The following SHC4 variants were observed in gnomAD, a reference collection of about 807,000 sequenced individuals.
The protein encoded by SHC4 is SHC-transforming protein 4.
A neutral mutation model predicts 69.4 loss-of-function variants in SHC4; 41 were observed. That is an observed-to-expected ratio of 0.59 (90% CI 0.46 to 0.77). SHC4 has a LOEUF of 0.77. Ranked by LOEUF, SHC4 falls within the 30% of genes least tolerant of loss-of-function variation. SHC4 has a pLI of 0.00. For missense variants in SHC4, 777 were observed against 783.8 expected (o/e 0.99, Z 0.10); for synonymous variants, 318 against 299.3 (o/e 1.06, Z -0.64).
rs1319706616 is a variant in SHC4 at position 48,825,731 on chromosome 15, G to A, written c.*240C>T. The A allele has an allele frequency of 1.2e-5, 5 of 433,572 alleles. No homozygotes were observed. Among genetic ancestry groups the A allele is most frequent in the African/African-American group, 2.0e-5 (1 of 49,630 alleles). The allele number at this position is 433,572 out of a possible 1,614,324, so 26.9% of individuals were successfully genotyped here. A position where few individuals can be genotyped will look rare whatever the true frequency, so the allele number is the denominator to read the frequency against. On this transcript the variant is annotated 3_prime_UTR_variant, in exon 12 of 12. Transcript: ENST00000332408. ...AATATGGCCTTAAAAAGTGACATCCGTGCATACATATAATTTCTTTTAAAA... is the reference window on the plus strand; with the variant it reads ...AATATGGCCTTAAAAAGTGACATCCATGCATACATATAATTTCTTTTAAAA...
intron 2 of SHC4, among the ~76,000 whole-genome samples, chr15:48,923,530 G>A (rs1401529556): frequency 7.7e-5 from 9 of 117,624 alleles, no homozygotes; most frequent in East Asian, 2.6e-4. Flanking sequence ...GGGAGACAGA[G>A]TGAGACTCTG....
chr15:48,961,156 A>G (rs1160476422), intron 1 of SHC4, among the ~76,000 whole-genome samples: 2 of 152,056 alleles, frequency 1.3e-5, no homozygotes, highest in Admixed American at 6.6e-5. Flanking sequence ...TATCTTTCTT[A>G]CTGTCCTCCA....
intron 6 of SHC4, 31 bp from the exon 7 acceptor site, chr15:48,857,846 T>C (rs778427632): frequency 2.8e-6 from 4 of 1,453,964 alleles, no homozygotes; most frequent in Admixed American, 2.4e-5. Flanking sequence ...AATAATATTA[T>C]AATAAATTTT....
intron 5 of SHC4, among the ~76,000 whole-genome samples, chr15:48,870,341 C>G (rs2140992466): frequency 6.6e-6 from 1 of 152,268 alleles, no homozygotes; most frequent in East Asian, 1.9e-4. Flanking sequence ...ATAGCAGCTG[C>G]TAAGCACCAG....
chr15:48,963,170 C>G lies in SHC4; in HGVS notation c.-155G>C. The stretch of plus-strand genomic sequence containing the variant: ...CGAGCTCGCCCACCTCGGCTCCCGG[C>G]CCCTTAAGGGTGACAGCCCATGGGG... On this transcript the variant is annotated 5_prime_UTR_variant, in exon 1 of 12. Transcript: ENST00000332408. 1.3e-6 allele frequency: 1 copy of G among 749,836 alleles called. No homozygotes were observed. Among genetic ancestry groups the G allele is most frequent in the Non-Finnish European group, 2.1e-6 (1 of 474,284 alleles). 46.4% of individuals were successfully genotyped at this position (749,836 alleles called of 1,614,324 possible).
intron 5 of SHC4, among the ~76,000 whole-genome samples, chr15:48,869,849 C>T (rs1276508414): frequency 6.6e-6 from 1 of 152,200 alleles, no homozygotes; most frequent in African/African-American, 2.4e-5. Flanking sequence ...GGCTTTCTCA[C>T]CAGCTTTAGA....
intron 2 of SHC4, among the ~76,000 whole-genome samples, chr15:48,903,512 T>C (rs2141012729): frequency 6.6e-6 from 1 of 152,290 alleles, no homozygotes; most frequent in East Asian, 1.9e-4. Context: ...AATTAAAACT[T>C]GCAGATGCTT....
intron 11 of SHC4, among the ~76,000 whole-genome samples, chr15:48,830,744 T>A (rs1474325740): frequency 6.6e-6 from 1 of 152,244 alleles, no homozygotes; most frequent in East Asian, 1.9e-4. Context: ...AATGCTCATG[T>A]TGCATTATCT....
At chr15:48,941,358 G>A (rs987728865) in intron 1 of SHC4, among the ~76,000 whole-genome samples, 10 of 152,194 alleles carry the variant, frequency 6.6e-5, no homozygotes, top group East Asian at 1.9e-4. Flanking sequence ...AGTAGTCAAC[G>A]TAGAAGCCAG....
intron 7 of SHC4, among the ~76,000 whole-genome samples, chr15:48,856,961 C>T (rs1052902368): frequency 1.1e-4 from 17 of 152,058 alleles, no homozygotes; most frequent in African/African-American, 4.1e-4. Context: ...CTACCCTAGA[C>T]TACCTCATAA....
At chr15:48,831,339 T>C (rs1898796854) in intron 11 of SHC4, among the ~76,000 whole-genome samples, 2 of 152,186 alleles carry the variant, frequency 1.3e-5, no homozygotes, top group South Asian at 4.1e-4. Flanking sequence ...TCCTAGGTCT[T>C]TACATTCGCT....
At chr15:48,859,306 G>GGTGTGTGTGTGT (rs58641880) in intron 6 of SHC4, among the ~76,000 whole-genome samples, 68 of 145,924 alleles carry the variant, frequency 4.7e-4, no homozygotes, top group Middle Eastern at 3.4e-3. Flanking sequence ...ATTTGAAAGG[G>GGTGTGTGTGTGT]GTGTGTGTGT....
chr15:48,892,195 A>G (rs1376208746), intron 2 of SHC4, among the ~76,000 whole-genome samples: 5 of 152,176 alleles, frequency 3.3e-5, no homozygotes, highest in African/African-American at 1.2e-4. Context: ...GATATTTTGT[A>G]GTGCAGAGCG....
chr15:48,893,285 CT>C lies in SHC4; in HGVS notation c.657-2475del, dbSNP rs1472435767. 2.6e-5 allele frequency among the ~76,000 whole-genome samples: 4 copies of C among 152,154 alleles called. No individual in the cohort carries two copies. The East Asian group carries it at 5.8e-4, about 22-fold the overall frequency. ...CATGATATGAGGGGAATTACAGGTA[CT>C]TTGATATTGCTGGAGCATAACATAT... is the stretch of plus-strand genomic sequence containing the variant. On this transcript the variant is annotated intron_variant, in intron 2 of 11. Coordinates refer to ENST00000332408, the MANE Select transcript of SHC4 (RefSeq NM_203349.4).
At chr15:48,871,112 C>A (rs1899667941) in intron 5 of SHC4, among the ~76,000 whole-genome samples, 2 of 152,216 alleles carry the variant, frequency 1.3e-5, no homozygotes, top group African/African-American at 4.8e-5. Flanking sequence ...GGATAGAAAA[C>A]AATCAATGGT....
At chr15:48,899,803 G>A (rs34805202) in intron 2 of SHC4, among the ~76,000 whole-genome samples, 18,879 of 152,090 alleles carry the variant, frequency 0.12, 1,472 homozygotes, top group Non-Finnish European at 0.17. Flanking sequence ...AAACTGTAAA[G>A]TTCTTAAGAA....
intron 1 of SHC4, among the ~76,000 whole-genome samples, chr15:48,957,051 C>T (rs1193147971): frequency 7.0e-6 from 1 of 142,208 alleles, no homozygotes; most frequent in Non-Finnish European, 1.5e-5. Context: ...GATCTCAGCT[C>T]ACTACAATCT....
At chr15:48,843,898 G>GA (rs147281731) in intron 9 of SHC4, among the ~76,000 whole-genome samples, 24,941 of 152,068 alleles carry the variant, frequency 0.16, 2,344 homozygotes, top group East Asian at 0.29. Flanking sequence ...AAAGAGGGCT[G>GA]ATAGTCTCAG....
chr15:48,852,869 T>G (rs1899242017), intron 8 of SHC4, among the ~76,000 whole-genome samples: 1 of 151,320 alleles, frequency 6.6e-6, no homozygotes, highest in East Asian at 1.9e-4. Flanking sequence ...GCCACTGCAC[T>G]TCAGCTTGGG....
Sources: allele counts gnomAD v4.1 joint callset (sites outside exome capture counted in the v4.1 genomes callset), GRCh38; gene constraint gnomAD v4.1.1; transcripts MANE v1.5; gene names NCBI Gene and HGNC (gene_info 2026-07-23, HGNC 2026-07-21).